Variants in TANC2 observed in about 807,000 individuals in gnomAD.
The protein encoded by TANC2 is tetratricopeptide repeat, ankyrin repeat and coiled-coil containing 2.
In TANC2, 26 loss-of-function variants were observed where a neutral mutation model predicts 210.5. The observed-to-expected ratio is 0.12, with a 90% confidence interval of 0.09 to 0.17. TANC2 has a LOEUF of 0.17. TANC2 is among the 10% of genes least tolerant of loss of function. TANC2 has a pLI of 1.00. For synonymous variants in TANC2, 931 were observed against 967.1 expected (o/e 0.96, Z 0.69); for missense variants, 2,129 against 2,608.9 (o/e 0.82, Z 4.01).
chr17:63,279,452 A>G (rs1178284629), intron 9 of TANC2, among the ~76,000 whole-genome samples: 2 of 152,004 alleles, frequency 1.3e-5, no homozygotes, highest in African/African-American at 4.8e-5. Context: ...TGAGCATATA[A>G]CCTACCCTGA....
At chr17:63,036,711 A>G (rs923263018) in intron 2 of TANC2, among the ~76,000 whole-genome samples, 5 of 152,194 alleles carry the variant, frequency 3.3e-5, no homozygotes, top group East Asian at 1.9e-4. Flanking sequence ...CATTTTTTCC[A>G]TGTGGGATCT....
At chr17:63,006,257 T>C (rs2143785423) in intron 1 of TANC2, among the ~76,000 whole-genome samples, 1 of 152,204 alleles carries the variant, frequency 6.6e-6, no homozygotes, top group African/African-American at 2.4e-5. Flanking sequence ...ATTTGTTTTC[T>C]ATTTCATTCA....
At chr17:63,408,045 G>A (rs2048571838) in intron 21 of TANC2, among the ~76,000 whole-genome samples, 1 of 152,150 alleles carries the variant, frequency 6.6e-6, no homozygotes, top group South Asian at 2.1e-4. Flanking sequence ...AGGAATTGAT[G>A]GCAGAGTTAT....
At chr17:62,972,630 C>G (rs1266035766) in intron 1 of TANC2, among the ~76,000 whole-genome samples, 1 of 152,108 alleles carries the variant, frequency 6.6e-6, no homozygotes, top group Non-Finnish European at 1.5e-5. Flanking sequence ...GATCATGTCA[C>G]TTTTTTCTTC....
intron 4 of TANC2, among the ~76,000 whole-genome samples, chr17:63,102,897 TA>T (rs1256272457): frequency 6.6e-6 from 1 of 152,238 alleles, no homozygotes; most frequent in Non-Finnish European, 1.5e-5. Context: ...TAGATTTTTT[TA>T]TAATCCCTAA....
intron 6 of TANC2, among the ~76,000 whole-genome samples, chr17:63,200,174 G>A (rs1442285502): frequency 6.6e-6 from 1 of 151,838 alleles, no homozygotes; most frequent in Non-Finnish European, 1.5e-5. Flanking sequence ...TGGCCAACAT[G>A]GTGAAACCCC....
intron 5 of TANC2, among the ~76,000 whole-genome samples, chr17:63,163,102 C>A (rs550354416): frequency 6.6e-6 from 1 of 151,536 alleles, no homozygotes; most frequent in South Asian, 2.1e-4. Flanking sequence ...AAATCTAAGC[C>A]AAGCAGGAGA....
At chr17:63,393,660 G>C (rs921729873) in intron 17 of TANC2, 1 of 151,936 alleles carries the variant, frequency 6.6e-6, no homozygotes, top group Non-Finnish European at 1.5e-5. Context: ...TATCTTTTAG[G>C]GTTATGCTTT....
chr17:62,996,476 G>A (rs1217004006), intron 1 of TANC2, among the ~76,000 whole-genome samples: 1 of 151,850 alleles, frequency 6.6e-6, no homozygotes, highest in Non-Finnish European at 1.5e-5. Flanking sequence ...ATTTCTGTCC[G>A]TCACTTCCCT....
In TANC2 at chr17:63,090,674, G is replaced by A. The variant is rs138685004; in HGVS notation, c.140-8501G>A. Among the ~76,000 whole-genome samples, 38 of 152,282 alleles carry A rather than the reference G, an allele frequency of 2.5e-4. 1 individual carries two copies. The East Asian group carries it at 5.8e-3, about 23-fold the overall frequency. ...ATAGTGCTGCAATAAACATACGTGCGCATGTGTCTTTATAGCAGCATGATT... is the reference window on the plus strand; with the variant it reads ...ATAGTGCTGCAATAAACATACGTGCACATGTGTCTTTATAGCAGCATGATT... On this transcript the variant is annotated intron_variant, in intron 3 of 27. Coordinates refer to ENST00000689528, the Ensembl canonical transcript of TANC2.
intron 4 of TANC2, among the ~76,000 whole-genome samples, chr17:63,136,415 G>C (rs1023245041): frequency 4.6e-5 from 7 of 152,134 alleles, no homozygotes; most frequent in African/African-American, 7.2e-5. Context: ...GGAATCCCCA[G>C]TTTTCTTAGG....
chr17:63,166,868 T>C (rs2040227668), intron 5 of TANC2, among the ~76,000 whole-genome samples: 1 of 152,172 alleles, frequency 6.6e-6, no homozygotes, highest in Non-Finnish European at 1.5e-5. Flanking sequence ...TATGTGTTCC[T>C]GTGGGGCTAA....
At chr17:63,093,640 T>A (rs2037283250) in intron 3 of TANC2, among the ~76,000 whole-genome samples, 1 of 152,186 alleles carries the variant, frequency 6.6e-6, no homozygotes, top group Non-Finnish European at 1.5e-5. Context: ...GCTTATTGAT[T>A]GCTATAAAAG....
chr17:63,351,984 C>A (rs1372714630), intron 13 of TANC2, among the ~76,000 whole-genome samples: 2 of 152,068 alleles, frequency 1.3e-5, no homozygotes, highest in South Asian at 4.1e-4. Flanking sequence ...TTTCCCTTCT[C>A]ACTCACTGGT....
At chr17:63,332,795 C>G (rs963497336) in intron 11 of TANC2, among the ~76,000 whole-genome samples, 24 of 152,296 alleles carry the variant, frequency 1.6e-4, no homozygotes, top group Admixed American at 1.4e-3. Flanking sequence ...TAGCTGGTGA[C>G]TTTCAGTTAA....
intron 1 of TANC2, among the ~76,000 whole-genome samples, chr17:62,974,490 A>G (rs540286662): frequency 6.6e-6 from 1 of 152,292 alleles, no homozygotes; most frequent in Non-Finnish European, 1.5e-5. Flanking sequence ...GTTGAGGTGG[A>G]TTAGTTATGT....
intron 9 of TANC2, among the ~76,000 whole-genome samples, chr17:63,283,179 G>C (rs887026067): frequency 4.0e-5 from 6 of 151,808 alleles, no homozygotes; most frequent in Non-Finnish European, 8.8e-5. Context: ...CTTTTTGGAG[G>C]GGAAGATACG....
intron 7 of TANC2, among the ~76,000 whole-genome samples, chr17:63,211,992 C>G (rs2041900549): frequency 6.6e-6 from 1 of 152,128 alleles, no homozygotes; most frequent in Admixed American, 6.6e-5. Flanking sequence ...AACTCGTCAT[C>G]TACGTTAGGT....
At chr17:63,009,487 T>C (rs559098591) in intron 1 of TANC2, 50 bp from the exon 2 acceptor site, 2 of 1,322,152 alleles carry the variant, frequency 1.5e-6, no homozygotes, top group East Asian at 2.3e-5. Flanking sequence ...CCTCTTATGC[T>C]ATGAAAATAA....
Sources: allele counts gnomAD v4.1 joint callset (sites outside exome capture counted in the v4.1 genomes callset), GRCh38; gene constraint gnomAD v4.1.1; transcripts MANE v1.5; gene names NCBI Gene and HGNC (gene_info 2026-07-23, HGNC 2026-07-21).